LPP: variants seen among roughly 807,000 people sequenced by gnomAD.
LPP encodes LIM domain containing preferred translocation partner in lipoma, also known as lipoma-preferred partner.
In LPP, 38 loss-of-function variants were observed where a neutral mutation model predicts 60.4. The ratio of observed to expected loss-of-function variants is 0.63; its 90% CI spans 0.49 to 0.83. LPP has a LOEUF of 0.83. Among genes scored for constraint, LPP ranks in the 40% least tolerant of loss-of-function variants. LPP has a pLI of 0.00. For missense variants in LPP, 902 were observed against 783.6 expected, an observed-to-expected ratio of 1.15 and a Z score of -1.80; for synonymous variants, 328 against 290.8, an observed-to-expected ratio of 1.13 and a Z score of -1.30.
At chr3:188,297,133 A>C (rs916153224) in intron 2 of LPP, among the ~76,000 whole-genome samples, 1 of 152,254 alleles carries the variant, frequency 6.6e-6, no homozygotes, top group Non-Finnish European at 1.5e-5. Flanking sequence ...GAATGATGTC[A>C]TTCGATCTAT....
rs371767573 is a variant in LPP, at chr3:188,717,192, C to T, written c.1240+8799C>T. On this transcript the variant is annotated intron_variant, in intron 8 of 11. Transcript: ENST00000617246. ...GCCTACAGACTTTAAATTCTTTTCACTTTTCACCCCATTGTGCTGTTAACA... is the reference window on the plus strand; with the variant it reads ...GCCTACAGACTTTAAATTCTTTTCATTTTTCACCCCATTGTGCTGTTAACA... 2.6e-4 allele frequency among the ~76,000 whole-genome samples: 40 copies of T among 152,338 alleles called. 1 individual carries two copies. The East Asian group carries it at 6.9e-3, about 26-fold the overall frequency.
intron 2 of LPP, among the ~76,000 whole-genome samples, chr3:188,324,696 A>G (rs952497674): frequency 6.6e-6 from 1 of 152,138 alleles, no homozygotes; most frequent in Admixed American, 6.5e-5. Flanking sequence ...TTCTACTTTT[A>G]TGGTTTCCCC....
intron 6 of LPP, among the ~76,000 whole-genome samples, chr3:188,586,134 A>G (rs1331412901): frequency 6.6e-6 from 1 of 152,168 alleles, no homozygotes; most frequent in African/African-American, 2.4e-5. Flanking sequence ...AAATCAGAGG[A>G]AAAAAATATT....
At chr3:188,846,509 C>T (rs182470006) in intron 9 of LPP, among the ~76,000 whole-genome samples, 20 of 151,944 alleles carry the variant, frequency 1.3e-4, no homozygotes, top group African/African-American at 4.3e-4. Context: ...CATAATGAAA[C>T]CCCGTCTCTA....
intron 1 of LPP, among the ~76,000 whole-genome samples, chr3:188,175,630 C>T (rs537155428): frequency 2.6e-5 from 4 of 152,230 alleles, no homozygotes; most frequent in South Asian, 2.1e-4. Context: ...TGCTAATCTA[C>T]GAGTATTTCT....
intron 3 of LPP, among the ~76,000 whole-genome samples, chr3:188,361,508 T>G (rs1488952364): frequency 1.7e-5 from 2 of 119,922 alleles, no homozygotes; most frequent in African/African-American, 3.5e-5. Flanking sequence ...CCTTTTCCTT[T>G]TCCCTCTCCT....
rs982694885 is a variant in LPP at position 188,878,992 on chromosome 3, C to T, written c.*4513C>T. 30 of 227,490 alleles carry T rather than the reference C, an allele frequency of 1.3e-4. No individual in the cohort carries two copies. Among genetic ancestry groups the T allele is most frequent in the African/African-American group, 6.7e-4 (30 of 45,052 alleles). 14.1% of individuals were successfully genotyped at this position (227,490 alleles called of 1,614,324 possible). ...ACAGAGACTTCAACTTGATTCTTTA[C>T]CACCATTCAGCATATTTTTTAATTG... is the stretch of plus-strand genomic sequence containing the variant. On this transcript the variant is annotated 3_prime_UTR_variant, in exon 12 of 12. Coordinates refer to ENST00000617246, the MANE Select transcript of LPP (RefSeq NM_001375462.1).
At chr3:188,715,863 A>G (rs1560106657) in intron 8 of LPP, among the ~76,000 whole-genome samples, 1 of 152,230 alleles carries the variant, frequency 6.6e-6, no homozygotes, top group Non-Finnish European at 1.5e-5. Context: ...TGAAGGCAAC[A>G]CTGTTGGAAG....
intron 7 of LPP, among the ~76,000 whole-genome samples, chr3:188,661,339 C>A (rs1397949845): frequency 6.6e-6 from 1 of 152,140 alleles, no homozygotes; most frequent in East Asian, 1.9e-4. Context: ...ATTTTCAGCT[C>A]ATTTGGGTAA....
intron 7 of LPP, among the ~76,000 whole-genome samples, chr3:188,624,190 G>C (rs1580478236): frequency 6.6e-6 from 1 of 152,282 alleles, no homozygotes; most frequent in East Asian, 1.9e-4. Flanking sequence ...ACCCAAACTT[G>C]TGAACTGCTT....
At chr3:188,717,412 C>G (rs1220570639) in intron 8 of LPP, among the ~76,000 whole-genome samples, 3 of 152,188 alleles carry the variant, frequency 2.0e-5, no homozygotes, top group Non-Finnish European at 2.9e-5. Flanking sequence ...CAAAGTGCTT[C>G]TATCAATTAC....
chr3:188,482,543 A>T (rs1447947803), intron 4 of LPP, among the ~76,000 whole-genome samples: 1 of 152,136 alleles, frequency 6.6e-6, no homozygotes, highest in Non-Finnish European at 1.5e-5. Context: ...CTTAGGTTTT[A>T]TAGGTGTCCT....
At chr3:188,821,613 A>G (rs1249403469) in intron 9 of LPP, among the ~76,000 whole-genome samples, 1 of 152,050 alleles carries the variant, frequency 6.6e-6, no homozygotes, top group African/African-American at 2.4e-5. Flanking sequence ...ATATGTGCAT[A>G]TATAGTGAAT....
intron 3 of LPP, among the ~76,000 whole-genome samples, chr3:188,371,375 G>C (rs1337777261): frequency 6.6e-6 from 1 of 151,350 alleles, no homozygotes; most frequent in East Asian, 1.9e-4. Context: ...CACAGTTCCT[G>C]CTTTCAAAAA....
At chr3:188,369,002 A>G (rs916301232) in intron 3 of LPP, among the ~76,000 whole-genome samples, 1 of 152,198 alleles carries the variant, frequency 6.6e-6, no homozygotes, top group African/African-American at 2.4e-5. Flanking sequence ...AGTTATCGCC[A>G]TGAGATGAAC....
At chr3:188,639,772 C>T (rs886685288) in intron 7 of LPP, among the ~76,000 whole-genome samples, 2 of 152,192 alleles carry the variant, frequency 1.3e-5, no homozygotes, top group African/African-American at 2.4e-5. Flanking sequence ...AAAAAATGCT[C>T]ATCATTACTG....
intron 3 of LPP, among the ~76,000 whole-genome samples, chr3:188,348,335 A>G (rs1764941095): frequency 6.6e-6 from 1 of 151,816 alleles, no homozygotes; most frequent in Admixed American, 6.6e-5. Context: ...TTTAGTAGAG[A>G]CAAGGTTTCA....
chr3:188,276,677 CTCTCTCTCTCTCTCTCTT>C (rs1448155895), intron 2 of LPP, among the ~76,000 whole-genome samples: 4,209 of 23,538 alleles, frequency 0.18, 134 homozygotes, highest in African/African-American at 0.44. Flanking sequence ...CTGTCTCTCT[CTCTCTCTCTCTCTCTCTT>C]TCTCTCTCTC....
intron 6 of LPP, among the ~76,000 whole-genome samples, chr3:188,599,454 C>T (rs186197400): frequency 6.6e-6 from 1 of 152,008 alleles, no homozygotes; most frequent in Non-Finnish European, 1.5e-5. Flanking sequence ...AGAAAACTAC[C>T]TTGACATACC....
Sources: gnomAD v4.1 joint callset for allele counts (sites outside exome capture counted in the v4.1 genomes callset) on GRCh38, gnomAD v4.1.1 for gene constraint, MANE v1.5 for transcripts, NCBI Gene and HGNC (gene_info 2026-07-23, HGNC 2026-07-21) for gene names.